DDA1: variants seen among roughly 807,000 people sequenced by gnomAD.
The protein encoded by DDA1 is DET1 and DDB1 associated 1.
DDA1 carries 3 observed loss-of-function variants against 18.6 expected under a neutral mutation model. The ratio of observed to expected loss-of-function variants is 0.16; its 90% confidence interval spans 0.07 to 0.42. The LOEUF is 0.42. Ranked by LOEUF, DDA1 falls within the 10% of genes least tolerant of loss-of-function variation. The pLI, the probability that DDA1 is intolerant of heterozygous loss-of-function variation, is 0.99. For synonymous variants in DDA1, 52 were observed against 54.0 expected (o/e 0.96, Z 0.17); for missense variants, 105 against 138.2 (o/e 0.76, Z 1.20).
chr19:17,316,675 C>T (rs576611164), intron 4 of DDA1, among the ~76,000 whole-genome samples: 19 of 151,346 alleles, frequency 1.3e-4, no homozygotes, highest in Non-Finnish European at 2.5e-4. Context: ...GAGATCGAGA[C>T]CATCCTGGCT....
At chr19:17,310,388 C>G (rs963670889) in intron 1 of DDA1, among the ~76,000 whole-genome samples, 6 of 152,124 alleles carry the variant, frequency 3.9e-5, no homozygotes, top group African/African-American at 1.4e-4. Context: ...TCGTCCCCAC[C>G]TGGCTGTTGG....
chr19:17,314,323 T>G lies in DDA1; in HGVS notation c.85-15T>G. 6.2e-7 allele frequency: 1 copy of G among 1,614,206 alleles called. No individual in the cohort carries two copies. Among genetic ancestry groups the G allele is most frequent in the Non-Finnish European group, 8.5e-7 (1 of 1,180,038 alleles). On this transcript the variant is annotated splice_polypyrimidine_tract_variant and intron_variant, in intron 2 of 4. Transcript: ENST00000359866. This position sits in a 1 kb window ranked among gnomAD's most constrained non-coding sequence, Gnocchi z 4.6. ...ATGCACTCTCCTAACCCACCCCTTC[T>G]CAACCCTCCTGCAGAACCGACGGCC...
rs1491470729 is a variant in DDA1 at position 17,315,135 on chromosome 19, A to ACG, written c.136+746_136+747insCG. On this transcript the variant is annotated intron_variant, in intron 3 of 4. Transcript: ENST00000359866. Reference sequence around the variant, plus strand: ...TATACACACACGTATATATACACACATATATATACACACACGTATATATAC... The same window carrying ACG: ...TATACACACACGTATATATACACACACGTATATATACACACACGTATATATAC... Among the ~76,000 whole-genome samples, 148 of 78,068 alleles carry ACG rather than the reference A, an allele frequency of 1.9e-3. 4 individuals are homozygous for ACG. The highest frequency in any genetic ancestry group is 8.7e-3 in the East Asian group (22 of 2,536). 51.2% of individuals were successfully genotyped at this position (78,068 alleles called of 152,430 possible).
intron 1 of DDA1, among the ~76,000 whole-genome samples, chr19:17,311,456 G>C (rs1242081093): frequency 6.6e-6 from 1 of 152,132 alleles, no homozygotes; most frequent in Non-Finnish European, 1.5e-5. Context: ...CGCCCGGCCA[G>C]AAGGAGCTTT....
At position 17,314,379 on chromosome 19, in the gene DDA1, G is replaced by C. The variant is rs201972130; in HGVS notation, c.126G>C (p.Pro42=). 3 of 1,614,242 alleles carry C rather than the reference G, an allele frequency of 1.9e-6. No homozygotes were observed. The East Asian group carries it at 6.7e-5, about 36-fold the overall frequency. Reference sequence around the variant, plus strand: ...TCTACCTGCCTACCCGCGAGTACCCGTCTGAACAGAGTAAGTGGCCGCTGT... The same window carrying C: ...TCTACCTGCCTACCCGCGAGTACCCCTCTGAACAGAGTAAGTGGCCGCTGT... ...PSVYLPTREY[P]SEQIIVTEKT... is the part of the protein sequence containing the mutation. Residue 42 remains proline (P), a synonymous_variant, in exon 3 of 5, where the codon CCG becomes CCC. Transcript: ENST00000359866. The surrounding 1 kb of genome is among the most constrained non-coding windows in gnomAD (Gnocchi z 4.6).
intron 3 of DDA1, among the ~76,000 whole-genome samples, chr19:17,315,150 CGT>C (rs2074197884): frequency 6.3e-5 from 4 of 63,844 alleles, no homozygotes; most frequent in Admixed American, 3.4e-4. Flanking sequence ...TATACACACA[CGT>C]ATATATACAC....
At position 17,315,200 on chromosome 19, in the gene DDA1, T is replaced by TATAC. The variant is rs576419451; in HGVS notation, c.137-733_137-732insTACA. On this transcript the variant is annotated intron_variant, in intron 3 of 4. Coordinates refer to ENST00000359866, the MANE Select transcript of DDA1 (RefSeq NM_024050.6). ...ACACACGTGTATACACACACGTGTA[T>TATAC]ACACACGTGTATATACACACACGTG... is the stretch of plus-strand genomic sequence containing the variant. 4.8e-3 allele frequency among the ~76,000 whole-genome samples: 66 copies of TATAC among 13,764 alleles called. 12 individuals carry two copies. The highest frequency in any genetic ancestry group is 0.012 in the African/African-American group (20 of 1,666). The allele number at this position is 13,764 out of a possible 152,430, so 9.0% of individuals were successfully genotyped here.
At position 17,315,183 on chromosome 19, in the gene DDA1, GTATACACACACGTGTATACACACGTGTA is replaced by G. The variant is rs1205446196; in HGVS notation, c.137-727_137-700del. The stretch of plus-strand genomic sequence containing the variant: ...TACACACGTGTATATACACACACGT[GTATACACACACGTGTATACACACGTGTA>G]TATACACACACGTGTATACACACAC... On this transcript the variant is annotated intron_variant, in intron 3 of 4. Coordinates refer to ENST00000359866, the MANE Select transcript of DDA1 (RefSeq NM_024050.6). Among the ~76,000 whole-genome samples the G allele has an allele frequency of 3.4e-3, 83 of 24,192 alleles. 13 individuals are homozygous for G. The highest frequency in any genetic ancestry group is 0.02 in the East Asian group (53 of 2,660). 15.9% of individuals were successfully genotyped at this position (24,192 alleles called of 152,430 possible). A position where few individuals can be genotyped will look rare whatever the true frequency, so the allele number is the denominator to read the frequency against.
intron 1 of DDA1, among the ~76,000 whole-genome samples, chr19:17,313,534 C>G (rs1049670561): frequency 6.6e-6 from 1 of 150,922 alleles, no homozygotes; most frequent in African/African-American, 2.4e-5. Flanking sequence ...CCTCTGCCTC[C>G]CGAGTTCAAG....
At chr19:17,315,128 TACACAC>T (rs1555722579) in intron 3 of DDA1, among the ~76,000 whole-genome samples, 3 of 87,430 alleles carry the variant, frequency 3.4e-5, no homozygotes, top group African/African-American at 1.6e-4. Flanking sequence ...CACGTATATA[TACACAC>T]ATATATATAC....
In DDA1 at chr19:17,322,842, C is replaced by G. The variant is rs539541364; in HGVS notation, c.*3186C>G. On this transcript the variant is annotated 3_prime_UTR_variant, in exon 5 of 5. Coordinates refer to ENST00000359866, the MANE Select transcript of DDA1 (RefSeq NM_024050.6). Reference sequence around the variant, plus strand: ...ATGCCACAAGCTCTTCCCACTGTCTCTGGCTCCCCAGACGATGTTCCAGGA... The same window carrying G: ...ATGCCACAAGCTCTTCCCACTGTCTGTGGCTCCCCAGACGATGTTCCAGGA... The G allele has an allele frequency of 3.9e-5, 6 of 152,324 alleles. No homozygotes were observed. Among genetic ancestry groups the G allele is most frequent in the Admixed American group, 3.3e-4 (5 of 15,284 alleles). The allele number at this position is 152,324 out of a possible 1,614,324, so 9.4% of individuals were successfully genotyped here. A position where few individuals can be genotyped will look rare whatever the true frequency, so the allele number is the denominator to read the frequency against.
At chr19:17,315,359 T>TACACTATATATATACAC (rs1480066219) in intron 3 of DDA1, among the ~76,000 whole-genome samples, 2 of 60,728 alleles carry the variant, frequency 3.3e-5, no homozygotes, top group African/African-American at 1.2e-4. Flanking sequence ...GCTATATATA[T>TACACTATATATATACAC]ACGCTATATA....
intron 3 of DDA1, among the ~76,000 whole-genome samples, chr19:17,315,098 T>C (rs1017400999): frequency 2.3e-5 from 3 of 131,388 alleles, no homozygotes; most frequent in African/African-American, 9.8e-5. Flanking sequence ...TACGTATATA[T>C]ACACACATAT....
In DDA1 at chr19:17,321,582, T is replaced by G. The variant is rs2074240014; in HGVS notation, c.*1926T>G. ...TGGCAGAGGTCTCTGTTTTGAGAGC[T>G]GAGTCTGAGGGCGTTGGGATGGTGT... On this transcript the variant is annotated 3_prime_UTR_variant, in exon 5 of 5. Transcript: ENST00000359866. The G allele has an allele frequency of 6.6e-6, 1 of 152,434 alleles. No individual in the cohort carries two copies. The highest frequency in any genetic ancestry group is 2.4e-5 in the African/African-American group (1 of 41,450). 9.4% of individuals were successfully genotyped at this position (152,434 alleles called of 1,614,324 possible).
In DDA1 at chr19:17,319,995, G is replaced by T; in HGVS notation, c.*339G>T. 4.0e-6 allele frequency: 1 copy of T among 246,918 alleles called. No individual in the cohort carries two copies. Among genetic ancestry groups the T allele is most frequent in the Non-Finnish European group, 8.0e-6 (1 of 125,172 alleles). The allele number at this position is 246,918 out of a possible 1,614,324, so 15.3% of individuals were successfully genotyped here. A position where few individuals can be genotyped will look rare whatever the true frequency, so the allele number is the denominator to read the frequency against. ...CCCCAGTTCTCCAGAGAACCAGAGT[G>T]TGTCTGTGAGAGTCTCTAGCGGGGG... On this transcript the variant is annotated 3_prime_UTR_variant, in exon 5 of 5. Coordinates refer to ENST00000359866, the MANE Select transcript of DDA1 (RefSeq NM_024050.6).
chr19:17,319,095 T>C (rs1337149496), intron 4 of DDA1, among the ~76,000 whole-genome samples: 1 of 152,204 alleles, frequency 6.6e-6, no homozygotes, highest in Non-Finnish European at 1.5e-5. Context: ...GTTGCTCCTC[T>C]GAGTGCTTGA....
chr19:17,309,694 T>C, intron 1 of DDA1, 37 bp downstream of exon 1: 1 of 1,607,538 alleles, frequency 6.2e-7, no homozygotes, highest in Non-Finnish European at 8.5e-7. Context: ...CCCCCTCTGC[T>C]AGACAAAATG....
At chr19:17,315,150 CGTATATATACACACGT>C (rs1568353576) in intron 3 of DDA1, among the ~76,000 whole-genome samples, 4 of 63,844 alleles carry the variant, frequency 6.3e-5, no homozygotes, top group Non-Finnish European at 1.2e-4. Context: ...TATACACACA[CGTATATATACACACGT>C]GTATATACAC....
intron 1 of DDA1, among the ~76,000 whole-genome samples, chr19:17,313,082 T>G (rs2074186422): frequency 6.6e-6 from 1 of 152,286 alleles, no homozygotes; most frequent in African/African-American, 2.4e-5. Context: ...GCAGCTCTCT[T>G]GGGCCTCAGG....
Sources: gnomAD v4.1 joint callset for allele counts (sites outside exome capture counted in the v4.1 genomes callset) on GRCh38, gnomAD v4.1.1 for gene constraint, Gnocchi (gnomAD v3.1) non-coding constraint, MANE v1.5 for transcripts, NCBI Gene and HGNC (gene_info 2026-07-23, HGNC 2026-07-21) for gene names.